The following MMUT variants were observed in gnomAD, a reference collection of about 807,000 sequenced individuals.
MMUT encodes the protein methylmalonyl-CoA mutase, mitochondrial.
A neutral mutation model predicts 79.9 loss-of-function variants in MMUT; 79 were observed. The observed-to-expected ratio is 0.99, with a 90% CI of 0.82 to 1.19. The LOEUF is 1.19. Among genes scored for constraint, MMUT ranks in the 50% most tolerant of loss-of-function variants. The pLI, the probability that MMUT is intolerant of heterozygous loss-of-function variation, is 0.00. For synonymous variants in MMUT, 273 were observed against 295.7 expected, an observed-to-expected ratio of 0.92 and a Z score of 0.79; for missense variants, 860 against 917.2, an observed-to-expected ratio of 0.94 and a Z score of 0.81.
chr6:49,433,640 C>T (rs1387912134), intron 12 of MMUT, among the ~76,000 whole-genome samples: 1 of 152,034 alleles, frequency 6.6e-6, no homozygotes, highest in Admixed American at 6.5e-5. Context: ...AAATACTGAT[C>T]GTAGTAACAT....
chr6:49,441,671 CTATTA>C (rs1046854264), intron 10 of MMUT, among the ~76,000 whole-genome samples, 164 bp downstream of exon 10: 15 of 148,060 alleles, frequency 1.0e-4, no homozygotes, highest in South Asian at 2.1e-4. Context: ...ATTATATACT[CTATTA>C]TATGTTATAT....
intron 6 of MMUT, among the ~76,000 whole-genome samples, chr6:49,451,220 G>T (rs1767542374): frequency 6.6e-6 from 1 of 152,116 alleles, no homozygotes; most frequent in South Asian, 2.1e-4. Context: ...TTTAATACTA[G>T]CTGTCTTTTT....
chr6:49,459,029 A>T, intron 2 of MMUT, 53 bp downstream of exon 2: 4 of 1,559,188 alleles, frequency 2.6e-6, no homozygotes, highest in Non-Finnish European at 3.5e-6. Context: ...AAAATAAAAA[A>T]CTAGGAGGCA....
intron 4 of MMUT, 72 bp from the exon 5 acceptor site, chr6:49,453,828 A>T: frequency 1.6e-6 from 2 of 1,259,584 alleles, no homozygotes; most frequent in Non-Finnish European, 2.3e-6. Context: ...AACTAATTGT[A>T]TCACACACTA....
intron 5 of MMUT, 49 bp downstream of exon 5, chr6:49,453,536 A>T (rs1228803398): frequency 2.1e-5 from 22 of 1,049,952 alleles, no homozygotes; most frequent in Non-Finnish European, 2.7e-5. Flanking sequence ...CAGAAAAAAT[A>T]TATATATATA....
intron 1 of MMUT, among the ~76,000 whole-genome samples, chr6:49,460,624 A>G (rs1187753305): frequency 1.3e-5 from 2 of 152,354 alleles, no homozygotes; most frequent in South Asian, 2.1e-4. Context: ...CTGAATTACT[A>G]AAACTTGTCA....
Position 49,451,464 on chromosome 6 carries a change from A to C in MMUT, c.1332+2T>G. ...ACAAAGTTGCAAAGTGGAAAAACTT[A>C]CCTTTAAAGCAGCATCATAAACATC... On this transcript the variant is annotated splice_donor_variant, in intron 6 of 12. Transcript: ENST00000274813. LOFTEE classifies it high-confidence loss of function. 1 of 1,613,926 alleles carries C rather than the reference A, an allele frequency of 6.2e-7. No homozygotes were observed. Among genetic ancestry groups the C allele is most frequent in the Non-Finnish European group, 8.5e-7 (1 of 1,179,920 alleles).
At chr6:49,452,481 T>C (rs1032552335) in intron 5 of MMUT, among the ~76,000 whole-genome samples, 1 of 152,088 alleles carries the variant, frequency 6.6e-6, no homozygotes, top group Non-Finnish European at 1.5e-5. Context: ...TATAGGTGCC[T>C]GCCAACACAC....
intron 4 of MMUT, among the ~76,000 whole-genome samples, chr6:49,454,527 T>G (rs963932656): frequency 6.6e-6 from 1 of 152,154 alleles, no homozygotes; most frequent in African/African-American, 2.4e-5. Context: ...AGACTGGTCT[T>G]GAATTCCTGG....
In MMUT at chr6:49,457,775, C is replaced by T; in HGVS notation, c.669G>A (p.Lys223=). ...TGTATGTATTTCGAACCATAAATTC[C>T]TTTAGTATATCATTTTGGATGGTAC... is the stretch of plus-strand genomic sequence containing the variant. ...LTGTIQNDIL[K]EFMVRNTYIF... Residue 223 remains lysine, a synonymous_variant, in exon 3 of 13, where the codon AAG becomes AAA. Coordinates refer to ENST00000274813, the MANE Select transcript of MMUT (RefSeq NM_000255.4). 6.2e-7 allele frequency: 1 copy of T among 1,612,650 alleles called. No individual in the cohort carries two copies. The highest frequency in any genetic ancestry group is 8.5e-7 in the Non-Finnish European group (1 of 1,179,024).
In MMUT at chr6:49,447,754, G is replaced by A. The variant is rs779301267; in HGVS notation, c.1476C>T (p.Tyr492=). Residue 492 remains tyrosine, a synonymous_variant, in exon 8 of 13, where the codon TAC becomes TAT. Coordinates refer to ENST00000274813, the MANE Select transcript of MMUT (RefSeq NM_000255.4). Reference sequence around the variant, plus strand: ...CTACAGCGTCTTCTTTTTCCAACTGGTACTTATTTACTCCAACAATTACTT... The same window carrying A: ...CTACAGCGTCTTCTTTTTCCAACTGATACTTATTTACTCCAACAATTACTT... ...GSEVIVGVNK[Y]QLEKEDAVEV... The A allele has an allele frequency of 3.1e-6, 5 of 1,610,580 alleles. No individual in the cohort carries two copies. The highest frequency in any genetic ancestry group is 1.7e-5 in the Admixed American group (1 of 59,918).
At chr6:49,437,981 ATAAAGT>A (rs1767176677) in intron 11 of MMUT, among the ~76,000 whole-genome samples, 1 of 152,062 alleles carries the variant, frequency 6.6e-6, no homozygotes, top group South Asian at 2.1e-4. Flanking sequence ...ATAGTATAGT[ATAAAGT>A]TATAGTAATT....
Position 49,435,550 on chromosome 6 carries a change from C to A in MMUT, c.2030G>T (p.Gly677Val). 1 of 1,614,096 alleles carries A rather than the reference C, an allele frequency of 6.2e-7. No individual in the cohort carries two copies. The highest frequency in any genetic ancestry group is 1.1e-5 in the South Asian group (1 of 91,066). ...HAVGISTLAA[G>V]HKTLVPELIK... Reference sequence around the variant, plus strand: ...GAGTTCAGGAACTAGGGTTTTATGACCAGCAGCGAGGGTGCTTATGCCCAC... The same window carrying A: ...GAGTTCAGGAACTAGGGTTTTATGAACAGCAGCGAGGGTGCTTATGCCCAC... Residue 677 changes from glycine to valine, a missense_variant, in exon 12 of 13, where the codon GGT becomes GTT. Physicochemically the swap from Gly to Val is moderately radical, Grantham distance 109. Transcript: ENST00000274813.
Position 49,431,785 on chromosome 6 carries a change from G to A in MMUT, c.2196C>T (p.Ala732=), listed in dbSNP as rs201963242. The A allele has an allele frequency of 2.2e-4, 348 of 1,613,808 alleles. No homozygotes were observed. Among genetic ancestry groups the A allele is most frequent in the Non-Finnish European group, 9.0e-5 (106 of 1,179,862 alleles). Residue 732 remains alanine, a synonymous_variant, in exon 13 of 13, where the codon GCC becomes GCT. Coordinates refer to ENST00000274813, the MANE Select transcript of MMUT (RefSeq NM_000255.4). ...TCTCAATATCATCAAGCACCTGAAC[G>A]GCAGCCTTTGGAATTCGAGTCCCAG... ...FGPGTRIPKA[A]VQVLDDIEKC... is the part of the protein sequence containing the mutation.
At chr6:49,443,023 TA>T (rs147839495) in intron 9 of MMUT, among the ~76,000 whole-genome samples, 1,695 of 152,246 alleles carry the variant, frequency 0.011, 25 homozygotes, top group African/African-American at 0.039. Flanking sequence ...TAAAGCAACA[TA>T]TTTTTTTAAA....
intron 4 of MMUT, 70 bp from the exon 5 acceptor site, chr6:49,453,826 G>T: frequency 7.8e-7 from 1 of 1,280,356 alleles, no homozygotes; most frequent in Non-Finnish European, 1.1e-6. Context: ...AAAACTAATT[G>T]TATCACACAC....
chr6:49,441,596 G>C (rs1767275017), intron 10 of MMUT, among the ~76,000 whole-genome samples: 2 of 149,060 alleles, frequency 1.3e-5, no homozygotes, highest in African/African-American at 4.9e-5. Context: ...TAAAATGATA[G>C]TATAGATATA....
chr6:49,457,340 G>A (rs1195916962), intron 3 of MMUT, among the ~76,000 whole-genome samples: 1 of 152,152 alleles, frequency 6.6e-6, no homozygotes, highest in South Asian at 2.1e-4. Context: ...GCTTTTAGCA[G>A]AAATAAAGCT....
rs150968643 is a variant in MMUT, at chr6:49,451,683, A to G, written c.1115T>C (p.Ile372Thr). 783 of 1,613,998 alleles carry G rather than the reference A, an allele frequency of 4.9e-4. No individual in the cohort carries two copies. Among genetic ancestry groups the G allele is most frequent in the Admixed American group, 1.3e-3 (77 of 60,002 alleles). The part of the protein sequence containing the change: ...DPYNNIVRTA[I>T]EAMAAVFGGT... Reference sequence around the variant, plus strand: ...TCCAAATACTGCTGCCATTGCTTCTATTGCAGTACGGACAATATTATTGTA... The same window carrying G: ...TCCAAATACTGCTGCCATTGCTTCTGTTGCAGTACGGACAATATTATTGTA... The change falls in exon 6 of 13, where the codon ATA becomes ACA. Residue 372 changes from isoleucine (I) to threonine (T), a missense_variant. Coordinates refer to ENST00000274813, the MANE Select transcript of MMUT (RefSeq NM_000255.4).
Sources: allele counts gnomAD v4.1 joint callset (sites outside exome capture counted in the v4.1 genomes callset), GRCh38; gene constraint gnomAD v4.1.1; transcripts MANE v1.5; gene names NCBI Gene and HGNC (gene_info 2026-07-23, HGNC 2026-07-21).